Variants in SMAD2 observed in about 807,000 individuals in gnomAD.
The protein encoded by SMAD2 is SMAD family member 2.
In SMAD2, 8 loss-of-function variants were observed where a neutral mutation model predicts 64.4. That is an observed-to-expected ratio of 0.12 (90% CI 0.07 to 0.22). The LOEUF is 0.22. Among genes scored for constraint, SMAD2 ranks in the 10% least tolerant of loss-of-function variants. The pLI, the probability that SMAD2 is intolerant of heterozygous loss-of-function variation, is 1.00. For synonymous variants in SMAD2, 203 were observed against 195.8 expected, an observed-to-expected ratio of 1.04 and a Z score of -0.31; for missense variants, 289 against 561.2, an observed-to-expected ratio of 0.51 and a Z score of 4.90.
chr18:47,915,377 T>A (rs1193346761), intron 1 of SMAD2, among the ~76,000 whole-genome samples: 4 of 152,192 alleles, frequency 2.6e-5, no homozygotes, highest in Non-Finnish European at 5.9e-5. Context: ...TAAATCCTAG[T>A]TCATTCATTT....
rs1912511918 is a variant in SMAD2 at position 47,819,911 on chromosome 18, G to A, written c.*21916C>T. On this transcript the variant is annotated 3_prime_UTR_variant, in exon 11 of 11. Coordinates refer to ENST00000262160, the MANE Select transcript of SMAD2 (RefSeq NM_005901.6). Reference sequence around the variant, plus strand: ...CCAGCTACTCAGGAAACGGAGGCAGGAGGATTGTGTGAGTTGGAGTTTGAG... The same window carrying A: ...CCAGCTACTCAGGAAACGGAGGCAGAAGGATTGTGTGAGTTGGAGTTTGAG... 6.6e-6 allele frequency: 1 copy of A among 152,236 alleles called. No homozygotes were observed. Among genetic ancestry groups the A allele is most frequent in the Non-Finnish European group, 1.5e-5 (1 of 68,070 alleles). 9.4% of individuals were successfully genotyped at this position (152,236 alleles called of 1,614,324 possible). A position where few individuals can be genotyped will look rare whatever the true frequency, so the allele number is the denominator to read the frequency against.
chr18:47,902,341 T>C (rs2033717387), intron 1 of SMAD2, among the ~76,000 whole-genome samples: 1 of 152,246 alleles, frequency 6.6e-6, no homozygotes, highest in Non-Finnish European at 1.5e-5. Flanking sequence ...TTTCTAGTTG[T>C]TTTATTAAGA....
At chr18:47,897,231 T>C (rs768568826) in intron 1 of SMAD2, among the ~76,000 whole-genome samples, 1 of 152,182 alleles carries the variant, frequency 6.6e-6, no homozygotes, top group Non-Finnish European at 1.5e-5. Context: ...GTTTTAAACT[T>C]TCATAACTAA....
chr18:47,886,561 A>G lies in SMAD2; in HGVS notation c.236+9960T>C, dbSNP rs116401780. ...AGCAAATTTCAGAGAAACTATATCTATATCTATCCATCTATCTATCTATCT... is the reference window on the plus strand; with the variant it reads ...AGCAAATTTCAGAGAAACTATATCTGTATCTATCCATCTATCTATCTATCT... On this transcript the variant is annotated intron_variant, in intron 2 of 10. Coordinates refer to ENST00000262160, the MANE Select transcript of SMAD2 (RefSeq NM_005901.6). 5.0e-3 allele frequency among the ~76,000 whole-genome samples: 675 copies of G among 135,166 alleles called. 4 individuals are homozygous for G. The highest frequency in any genetic ancestry group is 0.018 in the African/African-American group (652 of 36,142). 88.7% of individuals were successfully genotyped at this position (135,166 alleles called of 152,430 possible). A position where few individuals can be genotyped will look rare whatever the true frequency, so the allele number is the denominator to read the frequency against.
chr18:47,888,827 GA>G (rs759689687), intron 2 of SMAD2, among the ~76,000 whole-genome samples: 3 of 152,130 alleles, frequency 2.0e-5, no homozygotes, highest in Non-Finnish European at 1.5e-5. Context: ...ATTTGAGAAA[GA>G]AAAGAATGGA....
rs1913745907 is a variant in SMAD2 at position 47,839,553 on chromosome 18, TTAAG to T, written c.*2270_*2273del. 4.3e-6 allele frequency: 1 copy of T among 233,250 alleles called. No homozygotes were observed. 14.4% of individuals were successfully genotyped at this position (233,250 alleles called of 1,614,324 possible). A position where few individuals can be genotyped will look rare whatever the true frequency, so the allele number is the denominator to read the frequency against. ...GCTTACACAACAAAAGCTTGTTAAA[TTAAG>T]TAGTACTGATGTGGTGCAAATGAAA... On this transcript the variant is annotated 3_prime_UTR_variant, in exon 11 of 11. Coordinates refer to ENST00000262160, the MANE Select transcript of SMAD2 (RefSeq NM_005901.6).
chr18:47,900,429 C>T (rs759194945), intron 1 of SMAD2, among the ~76,000 whole-genome samples: 26 of 152,078 alleles, frequency 1.7e-4, no homozygotes, highest in African/African-American at 5.1e-4. Flanking sequence ...CTCTATTTAA[C>T]GGCTGTAGGA....
intron 1 of SMAD2, among the ~76,000 whole-genome samples, chr18:47,926,752 T>C (rs1039289819): frequency 6.6e-6 from 1 of 152,194 alleles, no homozygotes; most frequent in African/African-American, 2.4e-5. Context: ...AATAGGTCCA[T>C]AATAACAGTG....
Position 47,821,622 on chromosome 18 carries a change from C to G in SMAD2, c.*20205G>C, listed in dbSNP as rs1018014102. On this transcript the variant is annotated 3_prime_UTR_variant, in exon 11 of 11. Coordinates refer to ENST00000262160, the MANE Select transcript of SMAD2 (RefSeq NM_005901.6). ...TGATTAAATTCAAGTACCTTTTCATCAGATTCAACTTTCAGTATATCCAAA... is the reference window on the plus strand; with the variant it reads ...TGATTAAATTCAAGTACCTTTTCATGAGATTCAACTTTCAGTATATCCAAA... The G allele has an allele frequency of 4.6e-5, 7 of 152,210 alleles. No homozygotes were observed. Among genetic ancestry groups the G allele is most frequent in the Admixed American group, 1.3e-4 (2 of 15,276 alleles). 9.4% of individuals were successfully genotyped at this position (152,210 alleles called of 1,614,324 possible). A position where few individuals can be genotyped will look rare whatever the true frequency, so the allele number is the denominator to read the frequency against.
intron 2 of SMAD2, among the ~76,000 whole-genome samples, chr18:47,870,770 A>G (rs1400021036): frequency 6.6e-6 from 1 of 152,180 alleles, no homozygotes; most frequent in African/African-American, 2.4e-5. Context: ...GTGACTCCAG[A>G]TAAGTCATGA....
At chr18:47,873,150 A>AT (rs539916129) in intron 2 of SMAD2, among the ~76,000 whole-genome samples, 86 of 152,248 alleles carry the variant, frequency 5.6e-4, no homozygotes, top group South Asian at 2.5e-3. Flanking sequence ...TTACAATGCC[A>AT]TTTTTTATCA....
At chr18:47,889,213 T>C (rs1157006533) in intron 2 of SMAD2, among the ~76,000 whole-genome samples, 1 of 152,220 alleles carries the variant, frequency 6.6e-6, no homozygotes, top group Non-Finnish European at 1.5e-5. Flanking sequence ...ACTGCTGTTT[T>C]ACTATTATCT....
At chr18:47,856,559 C>G (rs996057082) in intron 6 of SMAD2, among the ~76,000 whole-genome samples, 2 of 152,154 alleles carry the variant, frequency 1.3e-5, no homozygotes, top group African/African-American at 4.8e-5. Flanking sequence ...CAACCTTAAC[C>G]CAAATATGAT....
chr18:47,839,155 G>A lies in SMAD2; in HGVS notation c.*2672C>T, dbSNP rs969174562. 1 of 233,192 alleles carries A rather than the reference G, an allele frequency of 4.3e-6. No individual in the cohort carries two copies. The highest frequency in any genetic ancestry group is 2.2e-5 in the African/African-American group (1 of 45,310). 14.4% of individuals were successfully genotyped at this position (233,192 alleles called of 1,614,324 possible). A position where few individuals can be genotyped will look rare whatever the true frequency, so the allele number is the denominator to read the frequency against. On this transcript the variant is annotated 3_prime_UTR_variant, in exon 11 of 11. Coordinates refer to ENST00000262160, the MANE Select transcript of SMAD2 (RefSeq NM_005901.6). ...CTCAACAGGTATAACTGCTCAATAG[G>A]TGTTTTCAAAGAGTTGAGTCCCAAT...
Position 47,829,868 on chromosome 18 carries a change from G to A in SMAD2, c.*11959C>T, listed in dbSNP as rs1447667973. The A allele has an allele frequency of 6.6e-6, 1 of 152,164 alleles. No individual in the cohort carries two copies. The highest frequency in any genetic ancestry group is 1.5e-5 in the Non-Finnish European group (1 of 68,016). The allele number at this position is 152,164 out of a possible 1,614,324, so 9.4% of individuals were successfully genotyped here. ...TAAAGAACAGGAAAATAATGACTAAGCTAACAACCAAACTTTCAGAGTATA... is the reference window on the plus strand; with the variant it reads ...TAAAGAACAGGAAAATAATGACTAAACTAACAACCAAACTTTCAGAGTATA... On this transcript the variant is annotated 3_prime_UTR_variant, in exon 11 of 11. Transcript: ENST00000262160.
rs187791792 is a variant in SMAD2, at chr18:47,899,924, T to C, written c.-53-3115A>G. 8.5e-5 allele frequency among the ~76,000 whole-genome samples: 13 copies of C among 152,304 alleles called. 1 individual carries two copies. In the East Asian group the frequency reaches 9.7e-4, roughly 11 times the overall value. Reference sequence around the variant, plus strand: ...CTTTAAGAACCCATAAACAGTGTAATGCTTCAGAGAACAGATTCTGAAGCC... The same window carrying C: ...CTTTAAGAACCCATAAACAGTGTAACGCTTCAGAGAACAGATTCTGAAGCC... On this transcript the variant is annotated intron_variant, in intron 1 of 10. Coordinates refer to ENST00000262160, the MANE Select transcript of SMAD2 (RefSeq NM_005901.6).
intron 1 of SMAD2, among the ~76,000 whole-genome samples, chr18:47,901,057 C>T (rs983410352): frequency 6.6e-6 from 1 of 152,112 alleles, no homozygotes; most frequent in Non-Finnish European, 1.5e-5. Flanking sequence ...TTTCAATGTT[C>T]TACATATGAC....
intron 1 of SMAD2, among the ~76,000 whole-genome samples, chr18:47,926,559 G>C (rs971193657): frequency 6.6e-6 from 1 of 151,826 alleles, no homozygotes; most frequent in Non-Finnish European, 1.5e-5. Context: ...TAATCTACTT[G>C]TTTCTAATCT....
chr18:47,898,810 C>G (rs936396635), intron 1 of SMAD2, among the ~76,000 whole-genome samples: 3 of 152,098 alleles, frequency 2.0e-5, no homozygotes, highest in Admixed American at 6.5e-5. Flanking sequence ...CTTTAGGCGT[C>G]AGGAAAGATT....
Sources: gnomAD v4.1 joint callset for allele counts (sites outside exome capture counted in the v4.1 genomes callset) on GRCh38, gnomAD v4.1.1 for gene constraint, MANE v1.5 for transcripts, NCBI Gene and HGNC (gene_info 2026-07-23, HGNC 2026-07-21) for gene names.